VRK2: variants seen among roughly 807,000 people sequenced by gnomAD.
The protein encoded by VRK2 is serine/threonine-protein kinase VRK2.
In VRK2, 60 loss-of-function variants were observed where a neutral mutation model predicts 57.6. The observed-to-expected ratio is 1.04, with a 90% CI of 0.85 to 1.29. The LOEUF is 1.29. VRK2 is among the 50% of genes most tolerant of loss of function. VRK2 has a pLI of 0.00. For missense variants in VRK2, 705 were observed against 588.1 expected, an observed-to-expected ratio of 1.20 and a Z score of -2.06; for synonymous variants, 231 against 199.2, an observed-to-expected ratio of 1.16 and a Z score of -1.35.
intron 1 of VRK2, among the ~76,000 whole-genome samples, chr2:57,917,301 T>C (rs13389276): frequency 0.033 from 5,024 of 152,024 alleles, 261 homozygotes; most frequent in African/African-American, 0.11. Context: ...TTACCTCCAG[T>C]TCTTCCTTTT....
intron 1 of VRK2, among the ~76,000 whole-genome samples, chr2:58,047,658 G>A (rs1003999762): frequency 6.6e-6 from 1 of 152,154 alleles, no homozygotes. Flanking sequence ...CTGGTCAAGG[G>A]AAACCTCCAC....
chr2:58,112,656 A>T (rs950772294), intron 7 of VRK2, among the ~76,000 whole-genome samples: 1 of 152,034 alleles, frequency 6.6e-6, no homozygotes, highest in East Asian at 1.9e-4. Context: ...GAAGGTCCAG[A>T]TGGTTGAGGC....
intron 7 of VRK2, among the ~76,000 whole-genome samples, chr2:58,110,993 G>A (rs1431047341): frequency 6.6e-6 from 1 of 152,136 alleles, no homozygotes; most frequent in Non-Finnish European, 1.5e-5. Context: ...AGTGGATGTC[G>A]ACTTATTGCA....
At chr2:57,949,947 C>A (rs2717042) in intron 1 of VRK2, among the ~76,000 whole-genome samples, 108,430 of 152,096 alleles carry the variant, frequency 0.71, 40,075 homozygotes, top group African/African-American at 0.93. Flanking sequence ...CAACCACAAC[C>A]TTCCCTTACC....
chr2:58,100,764 A>C (rs557225273), intron 7 of VRK2, among the ~76,000 whole-genome samples: 2 of 151,848 alleles, frequency 1.3e-5, no homozygotes. Flanking sequence ...TCAGTTCTAT[A>C]AACTGTTTTA....
intron 12 of VRK2, among the ~76,000 whole-genome samples, chr2:58,156,574 G>A (rs1683886086): frequency 7.0e-6 from 1 of 143,564 alleles, no homozygotes; most frequent in African/African-American, 3.0e-5. Context: ...AGGTTGGGTG[G>A]TGGTGTTTTT....
At chr2:58,090,922 T>C (rs1370089196) in intron 7 of VRK2, among the ~76,000 whole-genome samples, 1 of 152,176 alleles carries the variant, frequency 6.6e-6, no homozygotes, top group African/African-American at 2.4e-5. Context: ...GAAACCTAAA[T>C]GTATTTTACT....
At chr2:58,031,804 C>T (rs527819206) in intron 2 of VRK2, among the ~76,000 whole-genome samples, 2 of 152,116 alleles carry the variant, frequency 1.3e-5, no homozygotes, top group South Asian at 4.1e-4. Flanking sequence ...ATGTGGAACA[C>T]GGACTTTTCA....
intron 1 of VRK2, among the ~76,000 whole-genome samples, chr2:57,989,597 G>T (rs1026586036): frequency 6.6e-6 from 1 of 152,124 alleles, no homozygotes; most frequent in African/African-American, 2.4e-5. Context: ...CCACTAGGCA[G>T]ATTCAAGATC....
intron 11 of VRK2, among the ~76,000 whole-genome samples, chr2:58,145,275 C>T (rs1681942468): frequency 6.6e-6 from 1 of 151,980 alleles, no homozygotes; most frequent in African/African-American, 2.4e-5. Context: ...AGACAGCAAG[C>T]TTGTTGTAGA....
intron 7 of VRK2, among the ~76,000 whole-genome samples, chr2:58,108,614 T>C (rs1675107945): frequency 6.6e-6 from 1 of 152,172 alleles, no homozygotes; most frequent in Non-Finnish European, 1.5e-5. Flanking sequence ...TGTTTCTTCT[T>C]CCCTGTCTCC....
At chr2:58,083,692 T>C (rs573528281) in intron 2 of VRK2, among the ~76,000 whole-genome samples, 1 of 152,012 alleles carries the variant, frequency 6.6e-6, no homozygotes, top group South Asian at 2.1e-4. Flanking sequence ...ATTGAATCAA[T>C]GGATTTTACT....
chr2:58,062,129 A>T (rs1424274842), intron 2 of VRK2, among the ~76,000 whole-genome samples: 2 of 151,982 alleles, frequency 1.3e-5, no homozygotes, highest in African/African-American at 4.8e-5. Context: ...CAATATTTCA[A>T]ACTTTTTTGT....
intron 1 of VRK2, among the ~76,000 whole-genome samples, chr2:57,967,352 AC>A (rs1299219527): frequency 6.6e-6 from 1 of 151,998 alleles, no homozygotes; most frequent in East Asian, 1.9e-4. Context: ...CTGCACATGT[AC>A]CCCAGAACTT....
intron 2 of VRK2, among the ~76,000 whole-genome samples, chr2:58,028,689 G>A (rs897281050): frequency 6.6e-6 from 1 of 150,398 alleles, no homozygotes; most frequent in Non-Finnish European, 1.5e-5. Flanking sequence ...TGAACAATGA[G>A]AACACTTGGA....
chr2:58,026,123 C>T (rs1452921315), intron 2 of VRK2, among the ~76,000 whole-genome samples: 5 of 152,140 alleles, frequency 3.3e-5, no homozygotes, highest in Non-Finnish European at 7.4e-5. Context: ...ACATTGTACT[C>T]TGTCTCACTT....
intron 7 of VRK2, among the ~76,000 whole-genome samples, chr2:58,095,313 T>A (rs992965357): frequency 7.0e-5 from 10 of 143,620 alleles, no homozygotes; most frequent in African/African-American, 2.4e-4. Flanking sequence ...AAAAAAAAAA[T>A]ACTTGTTGGC....
intron 1 of VRK2, among the ~76,000 whole-genome samples, chr2:57,916,434 C>T (rs553611063): frequency 5.3e-5 from 8 of 151,440 alleles, no homozygotes; most frequent in Non-Finnish European, 8.9e-5. Flanking sequence ...AGACTACCCC[C>T]TAAAGAACCA....
At chr2:58,089,608 A>G in intron 6 of VRK2, 23 bp from the exon 7 acceptor site, 1 of 1,474,290 alleles carries the variant, frequency 6.8e-7, no homozygotes, top group Non-Finnish European at 9.3e-7. Flanking sequence ...AGTAAACCTT[A>G]TTTTATCTAT....
Sources: allele counts gnomAD v4.1 joint callset (sites outside exome capture counted in the v4.1 genomes callset), GRCh38; gene constraint gnomAD v4.1.1; transcripts MANE v1.5; gene names NCBI Gene and HGNC (gene_info 2026-07-23, HGNC 2026-07-21).